Variants in FAM204A observed in about 807,000 individuals in gnomAD.
FAM204A encodes protein FAM204A.
In FAM204A, 16 loss-of-function variants were observed where a neutral mutation model predicts 35.4. The ratio of observed to expected loss-of-function variants is 0.45; its 90% CI spans 0.31 to 0.69. FAM204A has a LOEUF of 0.69. Among genes scored for constraint, FAM204A ranks in the 30% least tolerant of loss-of-function variants. The pLI, the probability that FAM204A is intolerant of heterozygous loss-of-function variation, is 0.07. For missense variants in FAM204A, 240 were observed against 265.7 expected, an observed-to-expected ratio of 0.90 and a Z score of 0.67; for synonymous variants, 76 against 86.9, an observed-to-expected ratio of 0.88 and a Z score of 0.70.
Position 118,310,852 on chromosome 10 carries a change from GC to G in FAM204A, c.*4del. On this transcript the variant is annotated 3_prime_UTR_variant, in exon 9 of 9. Transcript: ENST00000369183. Reference sequence around the variant, plus strand: ...TCTACAAATGTCTTGAAGCACTCTGGCAAGTTACATGTATCCCATGTTGCTT... The same window carrying G: ...TCTACAAATGTCTTGAAGCACTCTGGAAGTTACATGTATCCCATGTTGCTT... 2 of 1,598,416 alleles carry G rather than the reference GC, an allele frequency of 1.3e-6. No individual in the cohort carries two copies. The highest frequency in any genetic ancestry group is 1.7e-6 in the Non-Finnish European group (2 of 1,175,296).
chr10:118,314,997 A>G (rs1268527246), intron 7 of FAM204A, among the ~76,000 whole-genome samples: 1 of 152,120 alleles, frequency 6.6e-6, no homozygotes, highest in African/African-American at 2.4e-5. Context: ...GTCTTTCAAA[A>G]AGATTAATGG....
intron 6 of FAM204A, among the ~76,000 whole-genome samples, chr10:118,330,678 G>A (rs1846274602): frequency 6.6e-6 from 1 of 152,168 alleles, no homozygotes; most frequent in Non-Finnish European, 1.5e-5. Flanking sequence ...AAAAACTCCT[G>A]GTTCCATGTA....
In FAM204A at chr10:118,304,326, TA is replaced by T. The variant is rs1284513040; in HGVS notation, c.*6530del. 2 of 152,208 alleles carry T rather than the reference TA, an allele frequency of 1.3e-5. No individual in the cohort carries two copies. Among genetic ancestry groups the T allele is most frequent in the Non-Finnish European group, 1.5e-5 (1 of 68,036 alleles). The allele number at this position is 152,208 out of a possible 1,614,324, so 9.4% of individuals were successfully genotyped here. ...AAATATGACCTACTTTACTAAATAC[TA>T]AATGTCTAACTCTATATTACTAAAC... On this transcript the variant is annotated 3_prime_UTR_variant, in exon 9 of 9. Transcript: ENST00000369183.
intron 6 of FAM204A, among the ~76,000 whole-genome samples, chr10:118,328,541 G>T (rs1277093781): frequency 2.7e-5 from 4 of 147,106 alleles, no homozygotes; most frequent in Admixed American, 6.9e-5. Flanking sequence ...TCGCCAGGCT[G>T]GAGTGCAGTG....
Position 118,310,609 on chromosome 10 carries a change from C to T in FAM204A, c.*248G>A. ...TCCATCCATACAAATAAACAAAATC[C>T]TATCCTCTTCTTTCTATATTTTTTT... On this transcript the variant is annotated 3_prime_UTR_variant, in exon 9 of 9. Transcript: ENST00000369183. The T allele has an allele frequency of 2.2e-6, 1 of 460,056 alleles. No individual in the cohort carries two copies. The highest frequency in any genetic ancestry group is 3.8e-6 in the Non-Finnish European group (1 of 266,058). The allele number at this position is 460,056 out of a possible 1,614,324, so 28.5% of individuals were successfully genotyped here.
chr10:118,333,835 A>G (rs1192115805), intron 6 of FAM204A, among the ~76,000 whole-genome samples: 1 of 152,184 alleles, frequency 6.6e-6, no homozygotes, highest in Non-Finnish European at 1.5e-5. Context: ...TGCACCCTCA[A>G]TAACACAGTA....
chr10:118,318,721 A>G (rs376555767), intron 7 of FAM204A, among the ~76,000 whole-genome samples: 1 of 152,056 alleles, frequency 6.6e-6, no homozygotes, highest in African/African-American at 2.4e-5. Flanking sequence ...GGATTACAGA[A>G]TAAAGATCTG....
chr10:118,335,041 C>CA, intron 6 of FAM204A, 73 bp downstream of exon 6: 1 of 1,072,558 alleles, frequency 9.3e-7, no homozygotes, highest in South Asian at 1.4e-5. Context: ...TTAATGAGGA[C>CA]AAGTACTTTA....
intron 2 of FAM204A, among the ~76,000 whole-genome samples, chr10:118,336,871 G>A (rs1846397177): frequency 6.6e-6 from 1 of 152,132 alleles, no homozygotes; most frequent in Non-Finnish European, 1.5e-5. Flanking sequence ...TATATTTAAT[G>A]GACAAAGCTT....
rs188989074 is a variant in FAM204A at position 118,313,898 on chromosome 10, T to A, written c.544-2585A>T. Among the ~76,000 whole-genome samples, 246 of 152,246 alleles carry A rather than the reference T, an allele frequency of 1.6e-3. 1 individual carries two copies. The highest frequency in any genetic ancestry group is 2.7e-3 in the Admixed American group (41 of 15,294). ...GAATTTCCCAACATGGCTGTCCTGGTTAGGACAGCCAAACCAAGCCAAAGA... is the reference window on the plus strand; with the variant it reads ...GAATTTCCCAACATGGCTGTCCTGGATAGGACAGCCAAACCAAGCCAAAGA... On this transcript the variant is annotated intron_variant, in intron 7 of 8. Transcript: ENST00000369183.
chr10:118,334,427 T>A (rs1846346726), intron 6 of FAM204A, among the ~76,000 whole-genome samples: 1 of 152,186 alleles, frequency 6.6e-6, no homozygotes, highest in Non-Finnish European at 1.5e-5. Context: ...CTTTTTTCCT[T>A]CTTCAGCAGA....
rs971849186 is a variant in FAM204A, at chr10:118,299,781, T to C, written c.*11076A>G. 3.9e-5 allele frequency: 6 copies of C among 152,242 alleles called. No homozygotes were observed. In the East Asian group the frequency reaches 1.2e-3, roughly 29 times the overall value. 9.4% of individuals were successfully genotyped at this position (152,242 alleles called of 1,614,324 possible). Reference sequence around the variant, plus strand: ...ACTAGAGAATGGAAGAGAAGAGAAATATGGTTACAAAAAGTACAAGTGGAA... The same window carrying C: ...ACTAGAGAATGGAAGAGAAGAGAAACATGGTTACAAAAAGTACAAGTGGAA... On this transcript the variant is annotated 3_prime_UTR_variant, in exon 9 of 9. Coordinates refer to ENST00000369183, the MANE Select transcript of FAM204A (RefSeq NM_022063.3).
chr10:118,329,067 T>C (rs1846247442), intron 6 of FAM204A, among the ~76,000 whole-genome samples: 1 of 152,216 alleles, frequency 6.6e-6, no homozygotes, highest in Non-Finnish European at 1.5e-5. Context: ...AATTTCATGA[T>C]GTCTGTAACA....
At position 118,302,477 on chromosome 10, in the gene FAM204A, C is replaced by G. The variant is rs966833259; in HGVS notation, c.*8380G>C. 2.0e-5 allele frequency: 3 copies of G among 152,220 alleles called. No homozygotes were observed. Among genetic ancestry groups the G allele is most frequent in the Non-Finnish European group, 4.4e-5 (3 of 68,040 alleles). The allele number at this position is 152,220 out of a possible 1,614,324, so 9.4% of individuals were successfully genotyped here. On this transcript the variant is annotated 3_prime_UTR_variant, in exon 9 of 9. Coordinates refer to ENST00000369183, the MANE Select transcript of FAM204A (RefSeq NM_022063.3). ...ACTGCAAGAATTGTTGGAGCCACTTCTGGTAATATATGAATTTCATAAAAA... is the reference window on the plus strand; with the variant it reads ...ACTGCAAGAATTGTTGGAGCCACTTGTGGTAATATATGAATTTCATAAAAA...
rs1167574346 is a variant in FAM204A, at chr10:118,300,232, C to T, written c.*10625G>A. On this transcript the variant is annotated 3_prime_UTR_variant, in exon 9 of 9. Coordinates refer to ENST00000369183, the MANE Select transcript of FAM204A (RefSeq NM_022063.3). The stretch of plus-strand genomic sequence containing the variant: ...TCTTTCTAGAGAGAGGGTCTGTAGC[C>T]CCCAGCAACTGAAAAACCAGTGGCA... The T allele has an allele frequency of 6.6e-6, 1 of 152,034 alleles. No homozygotes were observed. The highest frequency in any genetic ancestry group is 1.5e-5 in the Non-Finnish European group (1 of 68,014). The allele number at this position is 152,034 out of a possible 1,614,324, so 9.4% of individuals were successfully genotyped here.
intron 7 of FAM204A, among the ~76,000 whole-genome samples, chr10:118,320,284 TTATTAAATA>T (rs1171064807): frequency 1.3e-5 from 2 of 150,852 alleles, no homozygotes; most frequent in Non-Finnish European, 3.0e-5. Flanking sequence ...AAAACTTTAT[TTATTAAATA>T]AAATAAATTT....
At chr10:118,331,109 T>C (rs236198) in intron 6 of FAM204A, among the ~76,000 whole-genome samples, 3,292 of 152,326 alleles carry the variant, frequency 0.022, 100 homozygotes, top group African/African-American at 0.073. Flanking sequence ...GACTGCATTA[T>C]ACTTCTTCAA....
chr10:118,300,684 G>C lies in FAM204A; in HGVS notation c.*10173C>G, dbSNP rs1267750559. 1 of 152,176 alleles carries C rather than the reference G, an allele frequency of 6.6e-6. No homozygotes were observed. 9.4% of individuals were successfully genotyped at this position (152,176 alleles called of 1,614,324 possible). A position where few individuals can be genotyped will look rare whatever the true frequency, so the allele number is the denominator to read the frequency against. Reference sequence around the variant, plus strand: ...GTCCTTTAGCCACCCACCTATAGGAGCTTAGCCCTGGGGAATTCTTTGGGC... The same window carrying C: ...GTCCTTTAGCCACCCACCTATAGGACCTTAGCCCTGGGGAATTCTTTGGGC... On this transcript the variant is annotated 3_prime_UTR_variant, in exon 9 of 9. Transcript: ENST00000369183.
In FAM204A at chr10:118,307,542, C is replaced by G. The variant is rs1196468780; in HGVS notation, c.*3315G>C. 6.6e-6 allele frequency: 1 copy of G among 152,214 alleles called. No homozygotes were observed. Among genetic ancestry groups the G allele is most frequent in the Non-Finnish European group, 1.5e-5 (1 of 68,036 alleles). The allele number at this position is 152,214 out of a possible 1,614,324, so 9.4% of individuals were successfully genotyped here. A position where few individuals can be genotyped will look rare whatever the true frequency, so the allele number is the denominator to read the frequency against. ...CTGACATAACATCGGCTTGCCTCCTCAAACTTTATCATCTCTTAAAAAATA... is the reference window on the plus strand; with the variant it reads ...CTGACATAACATCGGCTTGCCTCCTGAAACTTTATCATCTCTTAAAAAATA... On this transcript the variant is annotated 3_prime_UTR_variant, in exon 9 of 9. Coordinates refer to ENST00000369183, the MANE Select transcript of FAM204A (RefSeq NM_022063.3).
Sources: gnomAD v4.1 joint callset for allele counts (sites outside exome capture counted in the v4.1 genomes callset) on GRCh38, gnomAD v4.1.1 for gene constraint, MANE v1.5 for transcripts, NCBI Gene and HGNC (gene_info 2026-07-23, HGNC 2026-07-21) for gene names.